Variants in CACNA1D observed in about 807,000 individuals in gnomAD.
CACNA1D encodes the protein calcium voltage-gated channel subunit alpha1 D, also known as voltage-dependent L-type calcium channel subunit alpha-1D.
A neutral mutation model predicts 257.1 loss-of-function variants in CACNA1D; 55 were observed. The ratio of observed to expected loss-of-function variants is 0.21; its 90% CI spans 0.17 to 0.27. The LOEUF (loss-of-function observed/expected upper bound fraction) is 0.27. Among genes scored for constraint, CACNA1D ranks in the 10% least tolerant of loss-of-function variants. The pLI is 1.00. For synonymous variants in CACNA1D, 980 were observed against 1,014.9 expected (o/e 0.97, Z 0.65); for missense variants, 1,876 against 2,784.0 (o/e 0.67, Z 7.34).
At chr3:53,648,130 A>G (rs566132722) in intron 3 of CACNA1D, among the ~76,000 whole-genome samples, 1 of 152,288 alleles carries the variant, frequency 6.6e-6, no homozygotes, top group East Asian at 1.9e-4. Context: ...GCTCTGAAGT[A>G]TAGTGTGCTG....
intron 8 of CACNA1D, among the ~76,000 whole-genome samples, chr3:53,691,709 A>G (rs1345871784): frequency 3.7e-5 from 2 of 54,708 alleles, no homozygotes; most frequent in African/African-American, 1.8e-4. Context: ...TTACATATAT[A>G]ATATATATAT....
rs982477468 is a variant in CACNA1D, at chr3:53,813,660, C to T, written c.*2254C>T. ...CAAACTGGCATTCTTACAGGCTGCA[C>T]CATTTCCTAGTATGTCTGCTTTAAG... On this transcript the variant is annotated 3_prime_UTR_variant, in exon 48 of 48. Transcript: ENST00000350061. The T allele has an allele frequency of 6.6e-6, 1 of 152,178 alleles. No homozygotes were observed. The highest frequency in any genetic ancestry group is 1.5e-5 in the Non-Finnish European group (1 of 68,040). The allele number at this position is 152,178 out of a possible 1,614,324, so 9.4% of individuals were successfully genotyped here.
At chr3:53,651,076 A>T (rs757708188) in intron 4 of CACNA1D, 158 bp downstream of exon 4, 1 of 670,454 alleles carries the variant, frequency 1.5e-6, no homozygotes, top group Non-Finnish European at 2.6e-6. Flanking sequence ...AAGGCTGGTG[A>T]TGCTGCTGTC....
intron 3 of CACNA1D, among the ~76,000 whole-genome samples, chr3:53,521,128 C>A (rs2107346829): frequency 6.6e-6 from 1 of 152,038 alleles, no homozygotes; most frequent in East Asian, 1.9e-4. Flanking sequence ...CAACTTTGAA[C>A]TCCTGGGCTC....
In CACNA1D at chr3:53,762,116, C is replaced by T. The variant is rs77169791; in HGVS notation, c.3870+35C>T. On this transcript the variant is annotated intron_variant, in intron 30 of 47. Transcript: ENST00000350061. ...CACCTGGCGTGGCCGCCACCTGTGT[C>T]CTCTCTCCTCTGTCTGTGCATACTC... The T allele has an allele frequency of 9.5e-5, 123 of 1,300,442 alleles. No homozygotes were observed. In the African/African-American group the frequency reaches 1.4e-3, roughly 15 times the overall value. 80.6% of individuals were successfully genotyped at this position (1,300,442 alleles called of 1,614,324 possible).
chr3:53,575,767 A>G (rs1296730725), intron 3 of CACNA1D, among the ~76,000 whole-genome samples: 1 of 152,184 alleles, frequency 6.6e-6, no homozygotes. Context: ...AAAAATCACC[A>G]GTCAGTTCTC....
At chr3:53,635,447 T>C (rs1249161084) in intron 3 of CACNA1D, among the ~76,000 whole-genome samples, 1 of 152,184 alleles carries the variant, frequency 6.6e-6, no homozygotes, top group Non-Finnish European at 1.5e-5. Context: ...AATGAGCCAT[T>C]TCCCATCTGG....
intron 29 of CACNA1D, among the ~76,000 whole-genome samples, chr3:53,754,763 T>C (rs1327621311): frequency 6.6e-6 from 1 of 152,222 alleles, no homozygotes; most frequent in Non-Finnish European, 1.5e-5. Context: ...CAGTTAGTTA[T>C]CTCTGTGTAA....
At chr3:53,557,769 T>C (rs2092673332) in intron 3 of CACNA1D, among the ~76,000 whole-genome samples, 1 of 152,234 alleles carries the variant, frequency 6.6e-6, no homozygotes, top group Non-Finnish European at 1.5e-5. Flanking sequence ...TACAGATTTA[T>C]TGTAAGTCAT....
intron 3 of CACNA1D, among the ~76,000 whole-genome samples, chr3:53,581,345 C>T (rs1162758182): frequency 6.6e-6 from 1 of 152,110 alleles, no homozygotes; most frequent in Non-Finnish European, 1.5e-5. Flanking sequence ...TTGTAAGTAA[C>T]AACAATTACC....
At chr3:53,524,295 G>A (rs1439993995) in intron 3 of CACNA1D, among the ~76,000 whole-genome samples, 1 of 152,220 alleles carries the variant, frequency 6.6e-6, no homozygotes, top group Non-Finnish European at 1.5e-5. Context: ...GAGAGGGCAA[G>A]CACAGAATTG....
intron 3 of CACNA1D, among the ~76,000 whole-genome samples, chr3:53,591,991 C>T (rs914419903): frequency 1.3e-5 from 2 of 152,142 alleles, no homozygotes; most frequent in Admixed American, 1.3e-4. Context: ...CACCTTGATT[C>T]TTCTGTACGC....
chr3:53,719,852 C>T (rs375549640), intron 11 of CACNA1D, 71 bp downstream of exon 11: 106 of 1,338,714 alleles, frequency 7.9e-5, no homozygotes, highest in Middle Eastern at 1.8e-4. Flanking sequence ...CTGAATTTTA[C>T]GTAGTATTGC....
chr3:53,576,332 C>T (rs2093037594), intron 3 of CACNA1D, among the ~76,000 whole-genome samples: 1 of 152,176 alleles, frequency 6.6e-6, no homozygotes, highest in Admixed American at 6.5e-5. Flanking sequence ...TGAAAGTTTT[C>T]TGGTGAGTGT....
At chr3:53,704,446 T>G (rs758637226) in intron 9 of CACNA1D, among the ~76,000 whole-genome samples, 7 of 152,182 alleles carry the variant, frequency 4.6e-5, no homozygotes, top group Non-Finnish European at 1.0e-4. Context: ...AGCTAACTGT[T>G]TGCTGAATGC....
chr3:53,509,566 T>C (rs999551176), intron 3 of CACNA1D, among the ~76,000 whole-genome samples: 8 of 151,910 alleles, frequency 5.3e-5, no homozygotes, highest in Non-Finnish European at 1.0e-4. Flanking sequence ...ATTGAATGAG[T>C]GAACGCGAGG....
At chr3:53,546,578 A>G (rs1035949750) in intron 3 of CACNA1D, among the ~76,000 whole-genome samples, 3 of 152,202 alleles carry the variant, frequency 2.0e-5, no homozygotes, top group Non-Finnish European at 4.4e-5. Flanking sequence ...GAATCTCCAC[A>G]GAGATCCTGC....
At position 53,497,320 on chromosome 3, in the gene CACNA1D, C is replaced by A. The variant is rs1221932370; in HGVS notation, c.236C>A (p.Ser79Tyr). The A allele has an allele frequency of 2.5e-6, 4 of 1,614,164 alleles. No homozygotes were observed. In the South Asian group the frequency reaches 4.4e-5, roughly 18 times the overall value. Residue 79 changes from serine to tyrosine, a missense_variant, in exon 2 of 48, where the codon TCT becomes TAT. By Grantham distance (144) the Ser-to-Tyr change is moderately radical. Coordinates refer to ENST00000350061, the MANE Select transcript of CACNA1D (RefSeq NM_001128840.3). Reference protein sequence around the residue: ...MSTSAPPPVGSLSQRKRQQYA... With the variant: ...MSTSAPPPVGYLSQRKRQQYA... The stretch of plus-strand genomic sequence containing the variant: ...ACCTCTGCACCCCCACCTGTAGGAT[C>A]TCTCTCCCAAAGAAAACGTCAGCAA...
chr3:53,718,162 C>A, intron 9 of CACNA1D, 139 bp from the exon 10 acceptor site: 1 of 756,342 alleles, frequency 1.3e-6, no homozygotes, highest in Non-Finnish European at 2.4e-6. Flanking sequence ...TCCCTTAGCC[C>A]AGCTGAGGCC....
Sources: gnomAD v4.1 joint callset for allele counts (sites outside exome capture counted in the v4.1 genomes callset) on GRCh38, gnomAD v4.1.1 for gene constraint, MANE v1.5 for transcripts, NCBI Gene and HGNC (gene_info 2026-07-23, HGNC 2026-07-21) for gene names.